Variants in UBASH3B observed in about 807,000 individuals in gnomAD.
UBASH3B encodes ubiquitin-associated and SH3 domain-containing protein B.
In UBASH3B, 37 loss-of-function variants were observed where a neutral mutation model predicts 83.4. The observed-to-expected ratio is 0.44, with a 90% CI of 0.34 to 0.58. UBASH3B has a LOEUF of 0.58. Among genes scored for constraint, UBASH3B ranks in the 20% least tolerant of loss-of-function variants. The probability of loss-of-function intolerance (pLI) is 0.01; values close to 1 mark genes in which losing one functional copy is unlikely to be tolerated. For synonymous variants in UBASH3B, 304 were observed against 318.3 expected, an observed-to-expected ratio of 0.96 and a Z score of 0.48; for missense variants, 657 against 827.2, an observed-to-expected ratio of 0.79 and a Z score of 2.52.
intron 1 of UBASH3B, among the ~76,000 whole-genome samples, chr11:122,734,683 A>G (rs931214299): frequency 1.3e-5 from 2 of 152,258 alleles, no homozygotes; most frequent in African/African-American, 2.4e-5. Flanking sequence ...GCTTTCATCA[A>G]GACGGTTTCA....
In UBASH3B at chr11:122,738,200, C is replaced by A. The variant is rs994530183; in HGVS notation, c.162-38019C>A. 3.3e-5 allele frequency among the ~76,000 whole-genome samples: 5 copies of A among 152,188 alleles called. No individual in the cohort carries two copies. The South Asian group carries it at 1.0e-3, about 31-fold the overall frequency. ...CCTTAGACCAGTTATTTACACTGAG[C>A]CTCATCCATAAGTTGGAACGATTGC... On this transcript the variant is annotated intron_variant, in intron 1 of 13. Coordinates refer to ENST00000284273, the MANE Select transcript of UBASH3B (RefSeq NM_032873.5).
chr11:122,720,337 G>A (rs192819195), intron 1 of UBASH3B, among the ~76,000 whole-genome samples: 3 of 152,232 alleles, frequency 2.0e-5, no homozygotes, highest in Admixed American at 6.5e-5. Flanking sequence ...TGTCAGCTTC[G>A]CCGCTTCCAC....
At position 122,779,587 on chromosome 11, in the gene UBASH3B, G is replaced by A; in HGVS notation, c.493G>A (p.Glu165Lys). The A allele has an allele frequency of 6.2e-7, 1 of 1,614,192 alleles. No individual in the cohort carries two copies. Among genetic ancestry groups the A allele is most frequent in the Non-Finnish European group, 8.5e-7 (1 of 1,180,038 alleles). Residue 165 changes from glutamate (E) to lysine (K), a missense_variant, in exon 4 of 14, where the codon GAG (glutamate) becomes AAG (lysine). Transcript: ENST00000284273. ...TAAGTTCTCGGCCCCGCTGCCCCTG[G>A]AGCTCTATACGTCGTCCAACTTCAT... ...KCKFSAPLPLELYTSSNFIGL... is the reference protein window; with the variant it reads ...KCKFSAPLPLKLYTSSNFIGL...
intron 1 of UBASH3B, among the ~76,000 whole-genome samples, chr11:122,731,566 A>G (rs989103400): frequency 6.6e-6 from 1 of 152,202 alleles, no homozygotes; most frequent in Non-Finnish European, 1.5e-5. Context: ...CGGAGAGTGC[A>G]AACAGTGTGG....
intron 1 of UBASH3B, among the ~76,000 whole-genome samples, chr11:122,706,717 G>T (rs73613075): frequency 0.027 from 4,147 of 152,254 alleles, 177 homozygotes; most frequent in African/African-American, 0.095. Flanking sequence ...TTGGCTAGGA[G>T]TACCAAGAAG....
At chr11:122,791,815 C>A (rs536535140) in intron 6 of UBASH3B, among the ~76,000 whole-genome samples, 1 of 152,336 alleles carries the variant, frequency 6.6e-6, no homozygotes, top group Admixed American at 6.5e-5. Context: ...CTTCTCAGTT[C>A]TCTGAGTCCC....
At chr11:122,807,321 C>T (rs867444263) in intron 12 of UBASH3B, among the ~76,000 whole-genome samples, 3 of 152,210 alleles carry the variant, frequency 2.0e-5, no homozygotes, top group Admixed American at 1.3e-4. Context: ...CAAAAAGCTA[C>T]ACATATGATA....
At chr11:122,695,243 C>T (rs1379117435) in intron 1 of UBASH3B, among the ~76,000 whole-genome samples, 2 of 152,128 alleles carry the variant, frequency 1.3e-5, no homozygotes, top group South Asian at 2.1e-4. Context: ...GGATTGCAGG[C>T]GTGAGCCACC....
At chr11:122,720,974 G>A (rs1486085808) in intron 1 of UBASH3B, among the ~76,000 whole-genome samples, 2 of 151,938 alleles carry the variant, frequency 1.3e-5, no homozygotes, top group East Asian at 1.9e-4. Flanking sequence ...GGCCAGGCGC[G>A]GTGGCTCACG....
intron 6 of UBASH3B, among the ~76,000 whole-genome samples, chr11:122,792,995 A>G (rs1431333605): frequency 6.6e-6 from 1 of 152,224 alleles, no homozygotes; most frequent in East Asian, 1.9e-4. Flanking sequence ...CTTCTAGTGA[A>G]AAAGGAGCCA....
At position 122,806,326 on chromosome 11, in the gene UBASH3B, C is replaced by T. The variant is rs1463470853; in HGVS notation, c.1596-84C>T. On this transcript the variant is annotated intron_variant, in intron 11 of 13. Transcript: ENST00000284273. The surrounding 1 kb of genome is among the most constrained non-coding windows in gnomAD (Gnocchi z 4.0). ...AGATCTACGGGATCTTTAGAAATGCCTTGAAATAAAAGTTTAGAGTGATAT... is the reference window on the plus strand; with the variant it reads ...AGATCTACGGGATCTTTAGAAATGCTTTGAAATAAAAGTTTAGAGTGATAT... 1 of 1,217,458 alleles carries T rather than the reference C, an allele frequency of 8.2e-7. No homozygotes were observed. The highest frequency in any genetic ancestry group is 2.4e-5 in the East Asian group (1 of 41,472). The allele number at this position is 1,217,458 out of a possible 1,614,324, so 75.4% of individuals were successfully genotyped here.
chr11:122,763,758 G>C (rs1331610739), intron 1 of UBASH3B, among the ~76,000 whole-genome samples: 1 of 152,164 alleles, frequency 6.6e-6, no homozygotes, highest in Non-Finnish European at 1.5e-5. Flanking sequence ...GAGTCTTTGT[G>C]ATCAATATAT....
intron 1 of UBASH3B, chr11:122,709,507 G>A (rs1024403894): frequency 2.6e-5 from 4 of 152,226 alleles, no homozygotes; most frequent in African/African-American, 7.2e-5. Context: ...AAATCAGAAG[G>A]GGATGGGGAA....
chr11:122,690,200 A>T (rs1194748992), intron 1 of UBASH3B, among the ~76,000 whole-genome samples: 1 of 29,180 alleles, frequency 3.4e-5, no homozygotes, highest in Non-Finnish European at 6.6e-5. Flanking sequence ...ATATATATAT[A>T]TATATATATC....
intron 8 of UBASH3B, 84 bp from the exon 9 acceptor site, chr11:122,796,827 G>A: frequency 6.3e-7 from 1 of 1,586,600 alleles, no homozygotes. Flanking sequence ...GAAGGAATGG[G>A]GGTGGAGAGT....
chr11:122,683,604 CAAAAA>C (rs35467373), intron 1 of UBASH3B, among the ~76,000 whole-genome samples: 5 of 36,830 alleles, frequency 1.4e-4, no homozygotes, highest in South Asian at 1.2e-3. Flanking sequence ...GACTCCTTCT[CAAAAA>C]AAAAAAAAAA....
At chr11:122,779,914 C>T (rs958732355) in intron 4 of UBASH3B, among the ~76,000 whole-genome samples, 2 of 152,134 alleles carry the variant, frequency 1.3e-5, no homozygotes, top group African/African-American at 2.4e-5. Flanking sequence ...CTGGAGAGAC[C>T]GTCTAAGGCT....
intron 5 of UBASH3B, among the ~76,000 whole-genome samples, chr11:122,788,899 C>T (rs549816012): frequency 2.6e-5 from 4 of 152,196 alleles, no homozygotes; most frequent in Non-Finnish European, 5.9e-5. Flanking sequence ...TAGCACCAGG[C>T]ATACACCGTC....
At chr11:122,789,673 G>A (rs1861017628) in intron 6 of UBASH3B, among the ~76,000 whole-genome samples, 1 of 152,168 alleles carries the variant, frequency 6.6e-6, no homozygotes, top group Admixed American at 6.6e-5. Flanking sequence ...ATTTCCCGAA[G>A]CAGCTGGGCG....
Sources: allele counts gnomAD v4.1 joint callset (sites outside exome capture counted in the v4.1 genomes callset), GRCh38; gene constraint gnomAD v4.1.1; non-coding constraint Gnocchi (gnomAD v3.1); transcripts MANE v1.5; gene names NCBI Gene and HGNC (gene_info 2026-07-23, HGNC 2026-07-21).